Variants in IQGAP1 observed in about 807,000 individuals in gnomAD.
IQGAP1 encodes the protein ras GTPase-activating-like protein IQGAP1.
In IQGAP1, 66 loss-of-function variants were observed where a neutral mutation model predicts 215.6. That is an observed-to-expected ratio of 0.31 (90% CI 0.25 to 0.38). The LOEUF is 0.38. IQGAP1 is among the 10% of genes least tolerant of loss of function. The pLI is 1.00. For missense variants in IQGAP1, 1,712 were observed against 1,997.1 expected (o/e 0.86, Z 2.72); for synonymous variants, 772 against 728.7 (o/e 1.06, Z -0.96).
intron 35 of IQGAP1, chr15:90,494,003 ACAGACCTAGATTCT>A (rs1037414263): frequency 1.3e-4 from 20 of 152,212 alleles, no homozygotes; most frequent in African/African-American, 4.8e-4. Flanking sequence ...TTCTAAGCAG[ACAGACCTAGATTCT>A]CATTTTTTTT....
At chr15:90,462,947 T>C (rs1045114334) in intron 15 of IQGAP1, among the ~76,000 whole-genome samples, 1 of 152,226 alleles carries the variant, frequency 6.6e-6, no homozygotes, top group Admixed American at 6.5e-5. Context: ...GTCATTTGAG[T>C]TAATCTTTAG....
chr15:90,424,228 T>TCCGTACCGACAACTTA (rs1290865675), intron 2 of IQGAP1, among the ~76,000 whole-genome samples: 1 of 152,132 alleles, frequency 6.6e-6, no homozygotes, highest in African/African-American at 2.4e-5. Context: ...TACACTATTT[T>TCCGTACCGACAACTTA]CCGTACCGAC....
intron 26 of IQGAP1, among the ~76,000 whole-genome samples, chr15:90,479,860 A>G (rs1966032658): frequency 6.6e-6 from 1 of 152,160 alleles, no homozygotes; most frequent in Non-Finnish European, 1.5e-5. Context: ...TGCATACCTG[A>G]GGCCCACATC....
chr15:90,412,186 C>G (rs1357144571), intron 2 of IQGAP1, among the ~76,000 whole-genome samples: 2 of 152,288 alleles, frequency 1.3e-5, no homozygotes, highest in Non-Finnish European at 2.9e-5. Context: ...AAATATATAA[C>G]TTGAAGCAAA....
chr15:90,496,084 C>G (rs1273250482), intron 36 of IQGAP1, among the ~76,000 whole-genome samples: 1 of 151,664 alleles, frequency 6.6e-6, no homozygotes, highest in African/African-American at 2.4e-5. Flanking sequence ...TTATTTATCA[C>G]TTAAGATAAA....
chr15:90,476,664 A>T lies in IQGAP1; in HGVS notation c.2786A>T (p.Asp929Val). ...LLVKNKITLQ[D>V]VVSHSKKLTK... The stretch of plus-strand genomic sequence containing the variant: ...CTATTTATTGGTTTTTGTTTATAGG[A>T]TGTGGTTTCCCACAGTAAAAAACTT... The change falls in exon 24 of 38, where the codon GAT (aspartate) becomes GTT (valine). Residue 929 changes from aspartate (D) to valine (V), a missense_variant and splice_region_variant. Physicochemically the swap from Asp to Val is radical, Grantham distance 152. Around this residue, in one of 2 missense-constraint regions of IQGAP1, gnomAD observed 691 missense variants for 923.0 expected, o/e 0.75. Transcript: ENST00000268182. 1 of 1,573,414 alleles carries T rather than the reference A, an allele frequency of 6.4e-7. No homozygotes were observed. Among genetic ancestry groups the T allele is most frequent in the Non-Finnish European group, 8.6e-7 (1 of 1,166,402 alleles).
At chr15:90,496,410 C>T (rs1966275637) in intron 36 of IQGAP1, among the ~76,000 whole-genome samples, 1 of 146,398 alleles carries the variant, frequency 6.8e-6, no homozygotes, top group African/African-American at 2.5e-5. Context: ...ACTACAACCT[C>T]TGCCTCCCGG....
chr15:90,441,789 C>G, intron 8 of IQGAP1, 105 bp downstream of exon 8: 1 of 758,992 alleles, frequency 1.3e-6, no homozygotes, highest in Non-Finnish European at 2.1e-6. Flanking sequence ...TTACATACAA[C>G]AAAATTCACC....
chr15:90,410,855 A>G (rs978943472), intron 2 of IQGAP1, among the ~76,000 whole-genome samples: 15 of 151,410 alleles, frequency 9.9e-5, no homozygotes, highest in South Asian at 2.1e-4. Context: ...AAAAAAAAAA[A>G]AAAGAAAAAA....
At chr15:90,393,106 T>TA (rs11359516) in intron 2 of IQGAP1, among the ~76,000 whole-genome samples, 224 of 143,980 alleles carry the variant, frequency 1.6e-3, no homozygotes, top group Admixed American at 9.4e-3. Flanking sequence ...CTGGGGAACT[T>TA]AAAAAAAAAA....
At chr15:90,427,414 G>T (rs1454238591) in intron 3 of IQGAP1, among the ~76,000 whole-genome samples, 1 of 152,058 alleles carries the variant, frequency 6.6e-6, no homozygotes, top group Non-Finnish European at 1.5e-5. Flanking sequence ...ATCTCAAGGT[G>T]CTATAAAAAA....
Position 90,476,596 on chromosome 15 carries a change from C to T in IQGAP1, c.2785-67C>T, listed in dbSNP as rs1965982944. 3 of 1,289,284 alleles carry T rather than the reference C, an allele frequency of 2.3e-6. No individual in the cohort carries two copies. In the South Asian group the frequency reaches 4.8e-5, roughly 21 times the overall value. The allele number at this position is 1,289,284 out of a possible 1,614,324, so 79.9% of individuals were successfully genotyped here. On this transcript the variant is annotated intron_variant, in intron 23 of 37. Transcript: ENST00000268182. The stretch of plus-strand genomic sequence containing the variant: ...TGTGAGTTTGCACATGCTGCAAAAC[C>T]TTTCCTCAATGCCCAGAGGTTCATC...
chr15:90,491,778 A>G (rs775440814), intron 34 of IQGAP1: 3 of 471,576 alleles, frequency 6.4e-6, no homozygotes, highest in Non-Finnish European at 1.1e-5. Flanking sequence ...CTATGACCTT[A>G]AAGAATTTGT....
rs749282118 is a variant in IQGAP1, at chr15:90,474,712, G to A, written c.2784+19G>A. ...GTTGCAGGTATGGCCCAGTGCCAGC[G>A]GGGGCCTTGGAACGGTTCATCCTGC... On this transcript the variant is annotated intron_variant, in intron 23 of 37. Coordinates refer to ENST00000268182, the MANE Select transcript of IQGAP1 (RefSeq NM_003870.4). 96 of 1,573,276 alleles carry A rather than the reference G, an allele frequency of 6.1e-5. 1 individual carries two copies. In the Admixed American group the frequency reaches 7.0e-4, roughly 11 times the overall value.
intron 36 of IQGAP1, chr15:90,496,931 A>C: frequency 1.5e-5 from 3 of 202,704 alleles, no homozygotes; most frequent in Non-Finnish European, 2.0e-5. Context: ...GTGGAAGTGA[A>C]GAGAATTCCT....
chr15:90,390,499 T>G (rs1964620549), intron 1 of IQGAP1, among the ~76,000 whole-genome samples: 1 of 152,236 alleles, frequency 6.6e-6, no homozygotes, highest in Non-Finnish European at 1.5e-5. Flanking sequence ...AGGGACAGAT[T>G]TGTGCCAAAA....
In IQGAP1 at chr15:90,469,516, T is replaced by G. The variant is rs140148484; in HGVS notation, c.2178+1924T>G. On this transcript the variant is annotated intron_variant, in intron 18 of 37. Coordinates refer to ENST00000268182, the MANE Select transcript of IQGAP1 (RefSeq NM_003870.4). ...ATTTCACAGGTGATGAAATTTAAAT[T>G]CATTGAACTCTGTTCTGGGCATTGA... is the stretch of plus-strand genomic sequence containing the variant. Among the ~76,000 whole-genome samples, 740 of 152,320 alleles carry G rather than the reference T, an allele frequency of 4.9e-3. 3 individuals are homozygous for G. The highest frequency in any genetic ancestry group is 7.9e-3 in the Non-Finnish European group (537 of 68,034).
Position 90,443,517 on chromosome 15 carries a change from A to G in IQGAP1, c.913+39A>G, listed in dbSNP as rs770043941. On this transcript the variant is annotated intron_variant, in intron 9 of 37. Coordinates refer to ENST00000268182, the MANE Select transcript of IQGAP1 (RefSeq NM_003870.4). ...TGAATCAGGCACCTAAAGGGATATTATAATATAATGTGAATGTTGATCTAT... is the reference window on the plus strand; with the variant it reads ...TGAATCAGGCACCTAAAGGGATATTGTAATATAATGTGAATGTTGATCTAT... 10 of 1,142,660 alleles carry G rather than the reference A, an allele frequency of 8.8e-6. No individual in the cohort carries two copies. The Middle Eastern group carries it at 1.2e-3, about 138-fold the overall frequency. The allele number at this position is 1,142,660 out of a possible 1,614,324, so 70.8% of individuals were successfully genotyped here. A position where few individuals can be genotyped will look rare whatever the true frequency, so the allele number is the denominator to read the frequency against.
chr15:90,455,126 G>A (rs1252357215), intron 14 of IQGAP1, among the ~76,000 whole-genome samples: 1 of 152,192 alleles, frequency 6.6e-6, no homozygotes, highest in African/African-American at 2.4e-5. Context: ...TGAAGCTTCT[G>A]TGTTCTCAGG....
Sources: allele counts gnomAD v4.1 joint callset (sites outside exome capture counted in the v4.1 genomes callset), GRCh38; gene constraint gnomAD v4.1.1; regional missense constraint gnomAD v4.1.1; transcripts MANE v1.5; gene names NCBI Gene and HGNC (gene_info 2026-07-23, HGNC 2026-07-21).